Variants in ADGRL2 observed in about 807,000 individuals in gnomAD.
ADGRL2 encodes adhesion G protein-coupled receptor L2.
In ADGRL2, 44 loss-of-function variants were observed where a neutral mutation model predicts 157.4. That is an observed-to-expected ratio of 0.28 (90% CI 0.22 to 0.36). The LOEUF (loss-of-function observed/expected upper bound fraction) is 0.36, where lower values mean the gene tolerates loss of function less well. Among genes scored for constraint, ADGRL2 ranks in the 10% least tolerant of loss-of-function variants. ADGRL2 has a pLI of 1.00. For missense variants in ADGRL2, 1,510 were observed against 1,768.9 expected (o/e 0.85, Z 2.63); for synonymous variants, 585 against 624.7 (o/e 0.94, Z 0.95).
chr1:81,687,349 T>C (rs140352848), intron 3 of ADGRL2, among the ~76,000 whole-genome samples: 2,358 of 152,296 alleles, frequency 0.015, 56 homozygotes, highest in African/African-American at 0.054. Context: ...ATGTTTAGGA[T>C]TGTGATATTT....
intron 3 of ADGRL2, among the ~76,000 whole-genome samples, chr1:81,932,714 A>T (rs571755543): frequency 6.6e-6 from 1 of 151,568 alleles, no homozygotes; most frequent in East Asian, 1.9e-4. Context: ...TTTTTTTTTG[A>T]CGGAGTTTCA....
At chr1:81,588,569 T>C (rs2081071444) in intron 3 of ADGRL2, 1 of 152,192 alleles carries the variant, frequency 6.6e-6, no homozygotes, top group Admixed American at 6.6e-5. Context: ...TATGGGTGAC[T>C]ACTTCTGCAG....
chr1:81,351,733 G>T (rs1662905665), intron 1 of ADGRL2, among the ~76,000 whole-genome samples: 1 of 152,152 alleles, frequency 6.6e-6, no homozygotes, highest in Admixed American at 6.5e-5. Context: ...TGTTTTTAGT[G>T]CTTACATTTT....
chr1:81,966,228 C>A, intron 12 of ADGRL2, 45 bp downstream of exon 12: 1 of 1,610,254 alleles, frequency 6.2e-7, no homozygotes, highest in South Asian at 1.1e-5. Flanking sequence ...TGTTGTTGTT[C>A]AAAAACCTAT....
intron 2 of ADGRL2, among the ~76,000 whole-genome samples, chr1:81,447,509 G>A (rs541584803): frequency 9.6e-4 from 146 of 152,278 alleles, no homozygotes; most frequent in African/African-American, 3.3e-3. Context: ...TCAGGAAAGT[G>A]TCGCTGTTAA....
chr1:81,383,808 C>CAAAAAA (rs56660027), intron 1 of ADGRL2, among the ~76,000 whole-genome samples: 8 of 104,302 alleles, frequency 7.7e-5, no homozygotes, highest in Non-Finnish European at 1.1e-4. Flanking sequence ...ACTAAAAATA[C>CAAAAAA]AAAAAAAAAA....
chr1:81,326,157 T>C (rs1660884684), intron 1 of ADGRL2, among the ~76,000 whole-genome samples: 2 of 152,202 alleles, frequency 1.3e-5, no homozygotes, highest in Admixed American at 1.3e-4. Flanking sequence ...CATCCCATGA[T>C]AGATACTGTG....
chr1:81,648,237 G>T lies in ADGRL2; in HGVS notation c.-143+67257G>T, dbSNP rs186753273. Among the ~76,000 whole-genome samples the T allele has an allele frequency of 2.0e-4, 31 of 152,300 alleles. 1 individual carries two copies. The East Asian group carries it at 6.0e-3, about 29-fold the overall frequency. On this transcript the variant is annotated intron_variant, in intron 3 of 24. Coordinates refer to the ADGRL2 transcript ENST00000370721. ...ACTAAGAACCGCCTTTCTATCAGCA[G>T]TGACTGTTTCATGCCAACACAGAGG...
intron 2 of ADGRL2, among the ~76,000 whole-genome samples, chr1:81,482,502 G>A (rs2078411843): frequency 6.6e-6 from 1 of 152,100 alleles, no homozygotes; most frequent in South Asian, 2.1e-4. Flanking sequence ...TTTTGCCTGT[G>A]CAAATCTGAG....
intron 2 of ADGRL2, among the ~76,000 whole-genome samples, chr1:81,778,544 A>C (rs1206989340): frequency 6.6e-6 from 1 of 152,104 alleles, no homozygotes; most frequent in Non-Finnish European, 1.5e-5. Flanking sequence ...CACCTTAAAA[A>C]ATGTTGATGA....
At chr1:81,629,515 T>C (rs777502610) in intron 3 of ADGRL2, among the ~76,000 whole-genome samples, 3 of 152,072 alleles carry the variant, frequency 2.0e-5, no homozygotes, top group Non-Finnish European at 4.4e-5. Context: ...TAGAATAAAA[T>C]AGAATGTATC....
chr1:81,661,253 T>C (rs2082644823), intron 3 of ADGRL2, among the ~76,000 whole-genome samples: 1 of 152,128 alleles, frequency 6.6e-6, no homozygotes. Context: ...TTTGTAACAA[T>C]GAGAAAATGA....
chr1:81,697,485 A>G (rs2083469684), upstream of ADGRL2, among the ~76,000 whole-genome samples: 1 of 152,186 alleles, frequency 6.6e-6, no homozygotes, highest in Non-Finnish European at 1.5e-5. Flanking sequence ...TGGAAGGCAT[A>G]ATAATGATAT....
chr1:81,826,953 G>A (rs74095935), intron 1 of ADGRL2, among the ~76,000 whole-genome samples: 5 of 151,966 alleles, frequency 3.3e-5, no homozygotes, highest in African/African-American at 1.2e-4. Flanking sequence ...TTAATTGTAG[G>A]TTAAAAATGT....
chr1:81,619,636 G>T (rs1189101577), intron 3 of ADGRL2, among the ~76,000 whole-genome samples: 1 of 129,582 alleles, frequency 7.7e-6, no homozygotes, highest in Non-Finnish European at 1.7e-5. Flanking sequence ...CCTCATGAGA[G>T]GATGAAATAA....
chr1:81,920,719 C>CTCAT (rs1458393880), intron 3 of ADGRL2, among the ~76,000 whole-genome samples: 2 of 152,104 alleles, frequency 1.3e-5, no homozygotes, highest in Non-Finnish European at 2.9e-5. Flanking sequence ...GTCATGGCTT[C>CTCAT]AATGATAGTT....
intron 2 of ADGRL2, among the ~76,000 whole-genome samples, chr1:81,513,688 T>C (rs746525170): frequency 5.3e-5 from 8 of 152,098 alleles, no homozygotes; most frequent in Non-Finnish European, 8.8e-5. Flanking sequence ...TGTGCAAAGA[T>C]TTTAGGTTTT....
chr1:81,738,627 T>C lies in ADGRL2; in HGVS notation c.-142-23184T>C, dbSNP rs578008386. Among the ~76,000 whole-genome samples, 58 of 152,334 alleles carry C rather than the reference T, an allele frequency of 3.8e-4. 1 individual carries two copies. Among genetic ancestry groups the C allele is most frequent in the African/African-American group, 1.3e-3 (55 of 41,580 alleles). ...GAGATGAAGAAGAGACCCCTCTACATGCAGTGGGGTATCCTTTTTTCTGTT... is the reference window on the plus strand; with the variant it reads ...GAGATGAAGAAGAGACCCCTCTACACGCAGTGGGGTATCCTTTTTTCTGTT... On this transcript the variant is annotated intron_variant, in intron 1 of 20. Coordinates refer to the ADGRL2 transcript ENST00000359929.
intron 1 of ADGRL2, among the ~76,000 whole-genome samples, chr1:81,401,663 T>C (rs2076758345): frequency 6.6e-6 from 1 of 152,128 alleles, no homozygotes; most frequent in African/African-American, 2.4e-5. Context: ...TTTATGAGAG[T>C]GCTTGATTTC....
Sources: gnomAD v4.1 joint callset for allele counts (sites outside exome capture counted in the v4.1 genomes callset) on GRCh38, gnomAD v4.1.1 for gene constraint, MANE v1.5 for transcripts, NCBI Gene and HGNC (gene_info 2026-07-23, HGNC 2026-07-21) for gene names.